The following TMC1 variants were observed in gnomAD, a reference collection of about 807,000 sequenced individuals.
TMC1 encodes the protein transmembrane channel like 1.
TMC1 carries 84 observed loss-of-function variants against 105.8 expected under a neutral mutation model. The observed-to-expected ratio is 0.79, with a 90% CI of 0.67 to 0.95. The LOEUF (loss-of-function observed/expected upper bound fraction) is 0.95, where lower values mean the gene tolerates loss of function less well. Among genes scored for constraint, TMC1 ranks in the 40% least tolerant of loss-of-function variants. The probability of loss-of-function intolerance (pLI) is 0.00; values close to 1 mark genes in which losing one functional copy is unlikely to be tolerated. For missense variants in TMC1, 817 were observed against 914.1 expected (o/e 0.89, Z 1.37); for synonymous variants, 315 against 311.5 (o/e 1.01, Z -0.12).
chr9:72,672,890 ATCAGCTAAAAGCAGCAGAAT>A (rs1826146624), intron 5 of TMC1, among the ~76,000 whole-genome samples: 2 of 151,346 alleles, frequency 1.3e-5, no homozygotes, highest in African/African-American at 4.9e-5. Context: ...ACACACACAC[ATCAGCTAAAAGCAGCAGAAT>A]ACACATTTTC....
At chr9:72,834,951 C>T (rs576594368) in intron 23 of TMC1, among the ~76,000 whole-genome samples, 9 of 152,204 alleles carry the variant, frequency 5.9e-5, no homozygotes, top group African/African-American at 1.9e-4. Context: ...AATTACTGAA[C>T]GTTTCAGAGA....
At chr9:72,638,043 G>A (rs570843671) in intron 4 of TMC1, among the ~76,000 whole-genome samples, 13 of 136,954 alleles carry the variant, frequency 9.5e-5, no homozygotes, top group Non-Finnish European at 1.6e-4. Flanking sequence ...TGCTGAAGCC[G>A]TGTAGATATT....
chr9:72,547,574 G>A (rs1823793363), intron 1 of TMC1, among the ~76,000 whole-genome samples: 1 of 152,132 alleles, frequency 6.6e-6, no homozygotes, highest in African/African-American at 2.4e-5. Context: ...TGTGAGTTCA[G>A]GAGTGTTTAT....
At chr9:72,556,867 AG>A (rs138438625) in intron 1 of TMC1, among the ~76,000 whole-genome samples, 2,310 of 152,072 alleles carry the variant, frequency 0.015, 69 homozygotes, top group African/African-American at 0.052. Context: ...GTTCTTGAGC[AG>A]GGCAATTTCA....
intron 1 of TMC1, among the ~76,000 whole-genome samples, chr9:72,555,681 C>T (rs543427581): frequency 4.0e-5 from 6 of 151,682 alleles, no homozygotes; most frequent in South Asian, 2.1e-4. Flanking sequence ...AGTGCAGTGG[C>T]GCAATCTTGG....
chr9:72,831,062 A>G (rs1032169926), intron 23 of TMC1, among the ~76,000 whole-genome samples: 1 of 152,218 alleles, frequency 6.6e-6, no homozygotes, highest in African/African-American at 2.4e-5. Flanking sequence ...GGATATGGCA[A>G]GAAGATCCCA....
At chr9:72,716,465 AG>A (rs915132718) in intron 8 of TMC1, among the ~76,000 whole-genome samples, 1 of 152,168 alleles carries the variant, frequency 6.6e-6, no homozygotes. Context: ...CTGGCCACAG[AG>A]GAGGGAATCT....
intron 12 of TMC1, among the ~76,000 whole-genome samples, chr9:72,770,672 ATG>A (rs1012623148): frequency 2.6e-5 from 4 of 152,122 alleles, no homozygotes; most frequent in African/African-American, 7.2e-5. Flanking sequence ...TCACACAACC[ATG>A]GAGGCTGAGA....
At chr9:72,818,078 G>A (rs983175370) in intron 19 of TMC1, among the ~76,000 whole-genome samples, 2 of 152,080 alleles carry the variant, frequency 1.3e-5, no homozygotes, top group African/African-American at 2.4e-5. Context: ...GTGTGGGGCA[G>A]GTGTAATGTA....
chr9:72,674,581 T>G (rs1185023006), intron 5 of TMC1, among the ~76,000 whole-genome samples: 1 of 152,236 alleles, frequency 6.6e-6, no homozygotes. Context: ...GGAAGCTTTT[T>G]AGAAAAGCTA....
intron 18 of TMC1, among the ~76,000 whole-genome samples, chr9:72,814,324 C>T (rs911573160): frequency 2.6e-5 from 4 of 152,098 alleles, no homozygotes; most frequent in African/African-American, 4.8e-5. Context: ...CAGGGCACTC[C>T]CCCAGAAGGA....
intron 1 of TMC1, among the ~76,000 whole-genome samples, chr9:72,558,813 T>C (rs78884319): frequency 4.6e-5 from 7 of 152,192 alleles, no homozygotes; most frequent in Admixed American, 4.6e-4. Flanking sequence ...TCACAATTCA[T>C]ACCCCTCCCA....
At chr9:72,763,312 C>T (rs1378211838) in intron 12 of TMC1, among the ~76,000 whole-genome samples, 1 of 152,002 alleles carries the variant, frequency 6.6e-6, no homozygotes, top group Non-Finnish European at 1.5e-5. Flanking sequence ...TGGGCATTTG[C>T]CAGGTGCCAG....
chr9:72,756,296 T>A (rs141637603), intron 12 of TMC1, among the ~76,000 whole-genome samples: 2 of 152,300 alleles, frequency 1.3e-5, no homozygotes, highest in Non-Finnish European at 2.9e-5. Flanking sequence ...GTATACAAGA[T>A]GCTGTGCACA....
intron 3 of TMC1, among the ~76,000 whole-genome samples, chr9:72,623,336 T>C (rs1825291058): frequency 6.6e-6 from 1 of 152,104 alleles, no homozygotes; most frequent in Non-Finnish European, 1.5e-5. Context: ...CTTGCTTCTG[T>C]TGTGTAGTAA....
intron 1 of TMC1, among the ~76,000 whole-genome samples, chr9:72,554,126 T>C (rs1217519105): frequency 6.6e-6 from 1 of 152,222 alleles, no homozygotes; most frequent in Non-Finnish European, 1.5e-5. Context: ...TAGTGCCTTT[T>C]TTTTCCCCAG....
intron 13 of TMC1, among the ~76,000 whole-genome samples, chr9:72,781,037 A>G (rs1418264115): frequency 2.0e-5 from 3 of 152,214 alleles, no homozygotes; most frequent in Admixed American, 1.3e-4. Flanking sequence ...TGCAAATGAC[A>G]CAAACTATAA....
chr9:72,738,863 C>T (rs1425248002), intron 8 of TMC1, among the ~76,000 whole-genome samples: 1 of 152,138 alleles, frequency 6.6e-6, no homozygotes, highest in African/African-American at 2.4e-5. Flanking sequence ...ACAATCCAGG[C>T]TTGGGTTATC....
rs191672372 is a variant in TMC1 at position 72,608,931 on chromosome 9, C to T, written c.-305-7437C>T. 1.7e-4 allele frequency among the ~76,000 whole-genome samples: 26 copies of T among 152,206 alleles called. No individual in the cohort carries two copies. In the East Asian group the frequency reaches 5.0e-3, roughly 29 times the overall value. Reference sequence around the variant, plus strand: ...CTTTCATCTACTGCCTTCACGACTGCAGTCACTTTCTCCAACAGTCTTTTC... The same window carrying T: ...CTTTCATCTACTGCCTTCACGACTGTAGTCACTTTCTCCAACAGTCTTTTC... On this transcript the variant is annotated intron_variant, in intron 2 of 23. Coordinates refer to ENST00000297784, the MANE Select transcript of TMC1 (RefSeq NM_138691.3).
Sources: gnomAD v4.1 joint callset for allele counts (sites outside exome capture counted in the v4.1 genomes callset) on GRCh38, gnomAD v4.1.1 for gene constraint, MANE v1.5 for transcripts, NCBI Gene and HGNC (gene_info 2026-07-23, HGNC 2026-07-21) for gene names.